The following ACAD11 variants were observed in gnomAD, a reference collection of about 807,000 sequenced individuals.
The protein encoded by ACAD11 is acyl-CoA dehydrogenase family member 11, also known as acyl-Coenzyme A dehydrogenase family, member 11.
Under a neutral mutation model 102.2 loss-of-function variants are expected in ACAD11, and 83 were observed. The ratio of observed to expected loss-of-function variants is 0.81; its 90% CI spans 0.68 to 0.97. The LOEUF (loss-of-function observed/expected upper bound fraction) is 0.97. ACAD11 is among the 50% of genes least tolerant of loss of function. The pLI is 0.00. For synonymous variants in ACAD11, 324 were observed against 319.8 expected (o/e 1.01, Z -0.14); for missense variants, 901 against 951.7 (o/e 0.95, Z 0.70).
chr3:132,644,644 A>G (rs1436837085), intron 2 of ACAD11, among the ~76,000 whole-genome samples, 153 bp downstream of exon 2: 3 of 152,156 alleles, frequency 2.0e-5, no homozygotes, highest in Non-Finnish European at 4.4e-5. Flanking sequence ...AAACAAAAAA[A>G]GATATAATTC....
At chr3:132,576,325 T>A (rs1297589854) in intron 16 of ACAD11, among the ~76,000 whole-genome samples, 3 of 152,174 alleles carry the variant, frequency 2.0e-5, no homozygotes, top group Non-Finnish European at 4.4e-5. Context: ...CATTATAACC[T>A]CAGGGCCTGG....
chr3:132,566,058 G>T (rs1043980832), intron 17 of ACAD11, among the ~76,000 whole-genome samples: 4 of 152,112 alleles, frequency 2.6e-5, no homozygotes, highest in African/African-American at 9.7e-5. Context: ...AAATGCTTCA[G>T]TGAGCAGTTA....
chr3:132,649,691 T>C (rs1328439277), intron 1 of ACAD11: 1 of 152,186 alleles, frequency 6.6e-6, no homozygotes, highest in African/African-American at 2.4e-5. Flanking sequence ...TGGGCCCACT[T>C]TTCTTTCTAT....
chr3:132,577,755 A>T (rs1937543306), intron 15 of ACAD11, among the ~76,000 whole-genome samples: 1 of 152,186 alleles, frequency 6.6e-6, no homozygotes, highest in Non-Finnish European at 1.5e-5. Context: ...TTGGCCCTGG[A>T]CACAGGGAGT....
At chr3:132,572,826 T>C (rs1937420358) in intron 17 of ACAD11, among the ~76,000 whole-genome samples, 1 of 152,248 alleles carries the variant, frequency 6.6e-6, no homozygotes, top group Non-Finnish European at 1.5e-5. Context: ...CTGGGATAAC[T>C]TGCTAGCCAT....
At position 132,603,266 on chromosome 3, in the gene ACAD11, A is replaced by G; in HGVS notation, c.1584T>C (p.Asp528=). The G allele has an allele frequency of 6.2e-7, 1 of 1,614,088 alleles. No homozygotes were observed. The highest frequency in any genetic ancestry group is 2.2e-5 in the East Asian group (1 of 44,882). The change falls in exon 13 of 20, where the codon GAT becomes GAC. Residue 528 remains aspartate, a synonymous_variant. Coordinates refer to ENST00000264990, the MANE Select transcript of ACAD11 (RefSeq NM_032169.5). Reference sequence around the variant, plus strand: ...ATTTTTTGCCGTTAATTACATAGCTATCTTCATCTCGTTGGATGCTGCATT... The same window carrying G: ...ATTTTTTGCCGTTAATTACATAGCTGTCTTCATCTCGTTGGATGCTGCATT... ...NIECSIQRDE[D]SYVINGKKWW...
intron 17 of ACAD11, among the ~76,000 whole-genome samples, chr3:132,567,977 C>CA (rs143486609): frequency 0.093 from 14,227 of 152,202 alleles, 827 homozygotes; most frequent in South Asian, 0.14. Flanking sequence ...AAGCAATCTA[C>CA]AAAAAACTCC....
At chr3:132,600,368 T>C (rs1404649232) in intron 13 of ACAD11, 2 of 1,532,624 alleles carry the variant, frequency 1.3e-6, no homozygotes, top group African/African-American at 1.4e-5. Context: ...ATATCTATCC[T>C]GTATTCTCTT....
intron 13 of ACAD11, among the ~76,000 whole-genome samples, chr3:132,585,136 CA>C (rs768411387): frequency 1.3e-5 from 2 of 151,956 alleles, no homozygotes; most frequent in African/African-American, 2.4e-5. Flanking sequence ...GTACTGGTAC[CA>C]AAACAGAGAT....
chr3:132,615,694 G>A (rs897957627), intron 11 of ACAD11, among the ~76,000 whole-genome samples: 46 of 152,172 alleles, frequency 3.0e-4, no homozygotes, highest in African/African-American at 1.1e-3. Flanking sequence ...GGGGTTAGGG[G>A]AGAGATAGCA....
chr3:132,591,706 C>G (rs145007568), intron 13 of ACAD11, among the ~76,000 whole-genome samples: 1 of 151,858 alleles, frequency 6.6e-6, no homozygotes, highest in African/African-American at 2.4e-5. Context: ...CCCGGGCAAC[C>G]TAGCGACACC....
At chr3:132,626,971 T>C (rs969567377) in intron 8 of ACAD11, 154 bp from the exon 9 acceptor site, 15 of 658,966 alleles carry the variant, frequency 2.3e-5, no homozygotes, top group Non-Finnish European at 3.6e-5. Context: ...TCTTCCATAT[T>C]ATGGACTGAA....
intron 4 of ACAD11, among the ~76,000 whole-genome samples, chr3:132,640,814 A>C (rs1940465974): frequency 6.6e-6 from 1 of 152,134 alleles, no homozygotes; most frequent in Admixed American, 6.5e-5. Context: ...TAGTGAGTAC[A>C]CTCTAAACTT....
chr3:132,609,171 T>C (rs1036138434), intron 11 of ACAD11, among the ~76,000 whole-genome samples: 1 of 152,158 alleles, frequency 6.6e-6, no homozygotes, highest in African/African-American at 2.4e-5. Flanking sequence ...TAGCACTAAA[T>C]GCCCACAGGA....
At chr3:132,588,192 G>GATATGTATGTATGTAT (rs1937925182) in intron 13 of ACAD11, among the ~76,000 whole-genome samples, 1 of 150,684 alleles carries the variant, frequency 6.6e-6, no homozygotes, top group African/African-American at 2.5e-5. Flanking sequence ...CAGGCAGGCA[G>GATATGTATGTATGTAT]GTATGTATGT....
rs375770485 is a variant in ACAD11, at chr3:132,659,671, G to A, written c.81C>T (p.Ala27=). The A allele has an allele frequency of 3.0e-5, 49 of 1,611,370 alleles. No individual in the cohort carries two copies. Among genetic ancestry groups the A allele is most frequent in the Non-Finnish European group, 3.8e-5 (45 of 1,178,822 alleles). The part of the protein sequence containing the change: ...QHKFDSKSLE[A]YLNQHLSGFG... ...AGCCAGACAAGTGCTGGTTTAGGTA[G>A]GCCTCCAGGGACTTGCTGTCGAACT... The change falls in exon 1 of 20, where the codon GCC becomes GCT. Residue 27 remains alanine (A), a synonymous_variant. Coordinates refer to ENST00000264990, the MANE Select transcript of ACAD11 (RefSeq NM_032169.5).
chr3:132,628,227 C>A (rs1939900555), intron 8 of ACAD11, 113 bp downstream of exon 8: 1 of 553,570 alleles, frequency 1.8e-6, no homozygotes, highest in Non-Finnish European at 3.0e-6. Flanking sequence ...TGATTGGCAG[C>A]AGCAATCCTG....
chr3:132,626,640 A>G (rs761978724), intron 9 of ACAD11, 51 bp downstream of exon 9: 2 of 1,596,516 alleles, frequency 1.3e-6, no homozygotes, highest in South Asian at 1.1e-5. Context: ...TAACAAAAGT[A>G]TTCATTGATA....
chr3:132,589,531 T>C (rs535651638), intron 13 of ACAD11, among the ~76,000 whole-genome samples: 2 of 152,332 alleles, frequency 1.3e-5, no homozygotes, highest in East Asian at 3.9e-4. Context: ...TTTGAGGTTT[T>C]AGTTGTAGGA....
Sources: allele counts gnomAD v4.1 joint callset (sites outside exome capture counted in the v4.1 genomes callset), GRCh38; gene constraint gnomAD v4.1.1; transcripts MANE v1.5; gene names NCBI Gene and HGNC (gene_info 2026-07-23, HGNC 2026-07-21).